The following RAD18 variants were observed in gnomAD, a reference collection of about 807,000 sequenced individuals.
RAD18 encodes the protein E3 ubiquitin-protein ligase RAD18.
In RAD18, 47 loss-of-function variants were observed where a neutral mutation model predicts 60.4. That is an observed-to-expected ratio of 0.78 (90% CI 0.62 to 0.99). The LOEUF is 0.99. Ranked by LOEUF, RAD18 falls within the 50% of genes least tolerant of loss-of-function variation. The probability of loss-of-function intolerance (pLI) is 0.00; values close to 1 mark genes in which losing one functional copy is unlikely to be tolerated. For missense variants in RAD18, 640 were observed against 593.3 expected (o/e 1.08, Z -0.82); for synonymous variants, 225 against 195.5 (o/e 1.15, Z -1.26).
chr3:8,888,695 T>C (rs1939626494), intron 12 of RAD18, among the ~76,000 whole-genome samples: 1 of 152,376 alleles, frequency 6.6e-6, no homozygotes, highest in South Asian at 2.1e-4. Context: ...CCTGGAGGTA[T>C]CACTAACTAG....
chr3:8,909,284 C>T (rs370210171), intron 9 of RAD18, among the ~76,000 whole-genome samples: 25 of 152,094 alleles, frequency 1.6e-4, no homozygotes, highest in East Asian at 5.8e-4. Context: ...TAAGAGAAAT[C>T]GAAAGCCCAC....
intron 7 of RAD18, among the ~76,000 whole-genome samples, chr3:8,922,050 G>T (rs934821552): frequency 1.2e-4 from 19 of 152,178 alleles, no homozygotes; most frequent in African/African-American, 4.6e-4. Flanking sequence ...TCCAACTGAG[G>T]TACCAGGTTC....
rs371207512 is a variant in RAD18, at chr3:8,890,469, T to G, written c.1323-18A>C. On this transcript the variant is annotated intron_variant, in intron 11 of 12. Coordinates refer to ENST00000264926, the MANE Select transcript of RAD18 (RefSeq NM_020165.4). ...AACTGGAACTAAAAGGATATGTACA[T>G]CAGTATTGACAGACAACAAGAAGAC... is the stretch of plus-strand genomic sequence containing the variant. 6.5e-7 allele frequency: 1 copy of G among 1,531,574 alleles called. No individual in the cohort carries two copies. The highest frequency in any genetic ancestry group is 1.1e-5 in the South Asian group (1 of 89,238). 94.9% of individuals were successfully genotyped at this position (1,531,574 alleles called of 1,614,324 possible).
At chr3:8,896,801 C>T (rs753055529) in intron 11 of RAD18, among the ~76,000 whole-genome samples, 1 of 152,084 alleles carries the variant, frequency 6.6e-6, no homozygotes, top group Non-Finnish European at 1.5e-5. Flanking sequence ...CCTGGCATGC[C>T]ACAGAAATAC....
chr3:8,939,976 A>C (rs761860263), intron 5 of RAD18, among the ~76,000 whole-genome samples: 1 of 152,242 alleles, frequency 6.6e-6, no homozygotes, highest in Non-Finnish European at 1.5e-5. Flanking sequence ...TATAGAACTC[A>C]TCTTAAATTT....
Position 8,951,130 on chromosome 3 carries a change from A to C in RAD18, c.134-2560T>G, listed in dbSNP as rs998254291. Among the ~76,000 whole-genome samples the C allele has an allele frequency of 1.1e-4, 16 of 152,340 alleles. No individual in the cohort carries two copies. The South Asian group carries it at 1.2e-3, about 12-fold the overall frequency. On this transcript the variant is annotated intron_variant, in intron 2 of 12. Coordinates refer to ENST00000264926, the MANE Select transcript of RAD18 (RefSeq NM_020165.4). ...GAATTTCTCCAAATTAATGTTAAACACTAAACTACTTATCCTGGAAGATCG... is the reference window on the plus strand; with the variant it reads ...GAATTTCTCCAAATTAATGTTAAACCCTAAACTACTTATCCTGGAAGATCG...
At chr3:8,919,849 G>A (rs1303681705) in intron 7 of RAD18, among the ~76,000 whole-genome samples, 2 of 73,674 alleles carry the variant, frequency 2.7e-5, no homozygotes, top group African/African-American at 4.8e-5. Flanking sequence ...GAAAATAATG[G>A]GGGTGTATGT....
At chr3:8,913,382 C>A (rs1230381167) in intron 8 of RAD18, among the ~76,000 whole-genome samples, 2 of 152,140 alleles carry the variant, frequency 1.3e-5, no homozygotes, top group Non-Finnish European at 2.9e-5. Context: ...GGACCAATAT[C>A]AAAGCTGCCT....
At chr3:8,919,571 C>G (rs537558686) in intron 7 of RAD18, among the ~76,000 whole-genome samples, 1 of 152,152 alleles carries the variant, frequency 6.6e-6, no homozygotes, top group Non-Finnish European at 1.5e-5. Context: ...TATATATATG[C>G]ATACATGCAT....
At position 8,934,906 on chromosome 3, in the gene RAD18, TA is replaced by T. The variant is rs564779707; in HGVS notation, c.889+964del. Among the ~76,000 whole-genome samples, 247 of 152,158 alleles carry T rather than the reference TA, an allele frequency of 1.6e-3. 1 individual carries two copies. The highest frequency in any genetic ancestry group is 2.9e-3 in the Admixed American group (44 of 15,286). On this transcript the variant is annotated intron_variant, in intron 7 of 12. Coordinates refer to ENST00000264926, the MANE Select transcript of RAD18 (RefSeq NM_020165.4). ...CAAAAATGAAAAAAACATGACCATA[TA>T]AAAAAACATGAATGAATCTTATAAT...
chr3:8,952,511 A>G (rs1373298694), intron 2 of RAD18, among the ~76,000 whole-genome samples: 1 of 152,204 alleles, frequency 6.6e-6, no homozygotes, highest in African/African-American at 2.4e-5. Flanking sequence ...TGGTCAGTAA[A>G]TCACATTCTT....
In RAD18 at chr3:8,963,317, A is replaced by G; in HGVS notation, c.51+18T>C. The G allele has an allele frequency of 6.2e-7, 1 of 1,601,538 alleles. No individual in the cohort carries two copies. Among genetic ancestry groups the G allele is most frequent in the Non-Finnish European group, 8.5e-7 (1 of 1,173,436 alleles). On this transcript the variant is annotated intron_variant, in intron 1 of 12. Transcript: ENST00000264926. ...CCCGCAGACACCCGGGAGCTCCCAA[A>G]CTCCCCGAAGCACTCACCTTCATGA...
At chr3:8,891,286 G>C (rs1320758924) in intron 11 of RAD18, among the ~76,000 whole-genome samples, 2 of 151,824 alleles carry the variant, frequency 1.3e-5, no homozygotes, top group Non-Finnish European at 2.9e-5. Flanking sequence ...AGTAAAGTAA[G>C]CTTCTTGCCA....
intron 7 of RAD18, among the ~76,000 whole-genome samples, chr3:8,931,201 A>G (rs1021821119): frequency 6.6e-6 from 1 of 152,214 alleles, no homozygotes; most frequent in Non-Finnish European, 1.5e-5. Flanking sequence ...AATAAATGTC[A>G]AAATGACTCT....
chr3:8,917,731 G>A, intron 7 of RAD18, among the ~76,000 whole-genome samples: 1 of 151,690 alleles, frequency 6.6e-6, no homozygotes. Context: ...AAAGGAGACG[G>A]AACAAAGGAA....
Position 8,955,703 on chromosome 3 carries a change from G to C in RAD18, c.133+3217C>G, listed in dbSNP as rs1940998382. ...CAATACCATGGACAGACACATGAGA[G>C]AGAAAAACAGCAGCTAATGAAAAAA... On this transcript the variant is annotated intron_variant, in intron 2 of 12. Transcript: ENST00000264926. Among the ~76,000 whole-genome samples the C allele has an allele frequency of 2.0e-5, 3 of 152,188 alleles. No individual in the cohort carries two copies. The South Asian group carries it at 6.2e-4, about 32-fold the overall frequency.
intron 7 of RAD18, among the ~76,000 whole-genome samples, chr3:8,932,791 C>T (rs2125063740): frequency 6.6e-6 from 1 of 152,240 alleles, no homozygotes; most frequent in African/African-American, 2.4e-5. Flanking sequence ...CAGAACACTG[C>T]TTGGCAATAA....
chr3:8,918,669 G>C (rs1940255133), intron 7 of RAD18, among the ~76,000 whole-genome samples: 1 of 152,126 alleles, frequency 6.6e-6, no homozygotes, highest in Non-Finnish European at 1.5e-5. Flanking sequence ...AAGAGAAACA[G>C]ACAAAAAAGC....
At chr3:8,927,549 C>A (rs975391495) in intron 7 of RAD18, among the ~76,000 whole-genome samples, 1 of 152,198 alleles carries the variant, frequency 6.6e-6, no homozygotes, top group African/African-American at 2.4e-5. Context: ...ACCCAGCCAT[C>A]CCATTACTGG....
Sources: allele counts gnomAD v4.1 joint callset (sites outside exome capture counted in the v4.1 genomes callset), GRCh38; gene constraint gnomAD v4.1.1; transcripts MANE v1.5; gene names NCBI Gene and HGNC (gene_info 2026-07-23, HGNC 2026-07-21).